MSH3: variants seen among roughly 807,000 people sequenced by gnomAD.
The protein encoded by MSH3 is mutS homolog 3, also known as DNA mismatch repair protein Msh3.
In MSH3, 106 loss-of-function variants were observed where a neutral mutation model predicts 123.3. That is an observed-to-expected ratio of 0.86 (90% CI 0.73 to 1.01). MSH3 has a LOEUF of 1.01. Among genes scored for constraint, MSH3 ranks in the 50% least tolerant of loss-of-function variants. MSH3 has a pLI of 0.00. For missense variants in MSH3, 1,459 were observed against 1,347.6 expected, an observed-to-expected ratio of 1.08 and a Z score of -1.29; for synonymous variants, 515 against 481.4, an observed-to-expected ratio of 1.07 and a Z score of -0.91.
rs1489181927 is a variant in MSH3 at position 80,873,202 on chromosome 5, G to C, written c.3217G>C (p.Ala1073Pro). Reference protein sequence around the residue: ...IAARSYGLNVAKLADVPGEIL... With the variant: ...IAARSYGLNVPKLADVPGEIL... ...AGCAAGGAGTTATGGATTAAATGTG[G>C]CTAAACTAGCAGATGTTCCTGGAGA... is the stretch of plus-strand genomic sequence containing the variant. Residue 1073 changes from alanine to proline, a missense_variant, in exon 23 of 24, where the codon GCT (alanine) becomes CCT (proline). By Grantham distance (27) the Ala-to-Pro change is conservative (BLOSUM62 -1). Transcript: ENST00000265081. 1 of 1,613,822 alleles carries C rather than the reference G, an allele frequency of 6.2e-7. No homozygotes were observed.
At chr5:80,844,475 A>G (rs921820834) in intron 20 of MSH3, among the ~76,000 whole-genome samples, 4 of 152,028 alleles carry the variant, frequency 2.6e-5, no homozygotes, top group African/African-American at 4.8e-5. Context: ...TGTCTCATTG[A>G]TCTGTCTAAT....
chr5:80,666,682 GAAGT>G (rs1749581820), intron 3 of MSH3, among the ~76,000 whole-genome samples: 1 of 152,180 alleles, frequency 6.6e-6, no homozygotes, highest in South Asian at 2.1e-4. Flanking sequence ...CAGGAAATTA[GAAGT>G]AAGTAGACAG....
chr5:80,846,077 G>A (rs1745715114), intron 20 of MSH3, among the ~76,000 whole-genome samples: 1 of 152,168 alleles, frequency 6.6e-6, no homozygotes, highest in Non-Finnish European at 1.5e-5. Flanking sequence ...GTGACCTACA[G>A]GTGGCATTTT....
At position 80,787,691 on chromosome 5, in the gene MSH3, TC is replaced by T. The variant is rs765162815; in HGVS notation, c.2543+21del. 1.3e-6 allele frequency: 2 copies of T among 1,508,206 alleles called. No homozygotes were observed. The highest frequency in any genetic ancestry group is 9.2e-7 in the Non-Finnish European group (1 of 1,083,782). 93.4% of individuals were successfully genotyped at this position (1,508,206 alleles called of 1,614,324 possible). A position where few individuals can be genotyped will look rare whatever the true frequency, so the allele number is the denominator to read the frequency against. ...ACTGCAGGTAAGATATTTTTCATTT[TC>T]CTCTTTATCAGTGCTTTAGATAAGA... is the stretch of plus-strand genomic sequence containing the variant. On this transcript the variant is annotated intron_variant, in intron 18 of 23. Transcript: ENST00000265081.
At chr5:80,763,220 A>G (rs907384652) in intron 13 of MSH3, among the ~76,000 whole-genome samples, 1 of 152,194 alleles carries the variant, frequency 6.6e-6, no homozygotes, top group African/African-American at 2.4e-5. Flanking sequence ...TTACCCCCAC[A>G]GAGTTTTACT....
intron 19 of MSH3, among the ~76,000 whole-genome samples, chr5:80,794,377 G>T (rs1404857083): frequency 6.6e-6 from 1 of 152,124 alleles, no homozygotes; most frequent in Non-Finnish European, 1.5e-5. Context: ...TAAGTAGGGA[G>T]GGTGGACAAA....
intron 13 of MSH3, among the ~76,000 whole-genome samples, chr5:80,762,287 T>C (rs966329015): frequency 3.3e-5 from 5 of 152,102 alleles, no homozygotes; most frequent in African/African-American, 9.7e-5. Context: ...TAAAACACTA[T>C]AAACTATGGT....
intron 8 of MSH3, among the ~76,000 whole-genome samples, chr5:80,710,233 G>A (rs1750832194): frequency 6.6e-6 from 1 of 152,182 alleles, no homozygotes; most frequent in Non-Finnish European, 1.5e-5. Context: ...ATGTTAAGTA[G>A]CTTGTCTAGG....
chr5:80,849,264 A>T (rs992156566), intron 20 of MSH3, among the ~76,000 whole-genome samples: 1 of 152,114 alleles, frequency 6.6e-6, no homozygotes, highest in Non-Finnish European at 1.5e-5. Flanking sequence ...TCACAGGCTG[A>T]CATTGAGTGT....
chr5:80,781,800 A>G (rs1744414970), intron 17 of MSH3, among the ~76,000 whole-genome samples: 1 of 152,016 alleles, frequency 6.6e-6, no homozygotes, highest in South Asian at 2.1e-4. Context: ...GCCCATTATT[A>G]CCTCAAACCA....
intron 17 of MSH3, among the ~76,000 whole-genome samples, chr5:80,785,365 A>G (rs1276893891): frequency 6.6e-6 from 1 of 152,198 alleles, no homozygotes; most frequent in Non-Finnish European, 1.5e-5. Flanking sequence ...AATGCTCACC[A>G]TCACTGGCCA....
At chr5:80,675,809 AT>A (rs1207696442) in intron 7 of MSH3, among the ~76,000 whole-genome samples, 1 of 152,222 alleles carries the variant, frequency 6.6e-6, no homozygotes, top group Non-Finnish European at 1.5e-5. Flanking sequence ...AGATAGCAGA[AT>A]AAAACACTAA....
intron 12 of MSH3, among the ~76,000 whole-genome samples, chr5:80,759,934 A>G (rs1744001414): frequency 6.6e-6 from 1 of 152,184 alleles, no homozygotes; most frequent in Non-Finnish European, 1.5e-5. Context: ...AGCCAGAGAA[A>G]AATGGAACAA....
chr5:80,675,378 G>A (rs1182505243), intron 7 of MSH3, among the ~76,000 whole-genome samples: 1 of 152,148 alleles, frequency 6.6e-6, no homozygotes. Context: ...AATTTATAAA[G>A]AAAAGAGGTT....
At chr5:80,675,628 C>A (rs1397071669) in intron 7 of MSH3, among the ~76,000 whole-genome samples, 2 of 152,210 alleles carry the variant, frequency 1.3e-5, no homozygotes, top group East Asian at 1.9e-4. Flanking sequence ...CCCACCAGGT[C>A]TCCCCCTCAG....
chr5:80,671,692 A>G (rs1240219168), intron 4 of MSH3, among the ~76,000 whole-genome samples: 1 of 152,158 alleles, frequency 6.6e-6, no homozygotes, highest in Non-Finnish European at 1.5e-5. Context: ...TCAGTGGGCA[A>G]TATCTAAGCC....
chr5:80,670,541 C>T (rs1048767079), intron 4 of MSH3, among the ~76,000 whole-genome samples: 1 of 152,124 alleles, frequency 6.6e-6, no homozygotes. Flanking sequence ...GCTTATTCTC[C>T]GTGGTACTAG....
chr5:80,714,674 C>T (rs1750922525), intron 8 of MSH3, among the ~76,000 whole-genome samples: 2 of 152,160 alleles, frequency 1.3e-5, no homozygotes, highest in South Asian at 4.1e-4. Flanking sequence ...TAATGGGTTT[C>T]TAAATCCTTA....
At chr5:80,875,029 T>C (rs1192263669) in intron 23 of MSH3, among the ~76,000 whole-genome samples, 2 of 152,260 alleles carry the variant, frequency 1.3e-5, no homozygotes, top group Non-Finnish European at 2.9e-5. Flanking sequence ...GGATTTGTTA[T>C]AATAGTTGCT....
Sources: gnomAD v4.1 joint callset for allele counts (sites outside exome capture counted in the v4.1 genomes callset) on GRCh38, gnomAD v4.1.1 for gene constraint, MANE v1.5 for transcripts, NCBI Gene and HGNC (gene_info 2026-07-23, HGNC 2026-07-21) for gene names.